RORA: variants seen among roughly 807,000 people sequenced by gnomAD.
The protein encoded by RORA is nuclear receptor ROR-alpha.
RORA carries 7 observed loss-of-function variants against 69.5 expected under a neutral mutation model. The observed-to-expected ratio is 0.10, with a 90% CI of 0.06 to 0.19. The LOEUF (loss-of-function observed/expected upper bound fraction) is 0.19, where lower values mean the gene tolerates loss of function less well. RORA is among the 10% of genes least tolerant of loss of function. The pLI is 1.00. For missense variants in RORA, 457 were observed against 663.0 expected, an observed-to-expected ratio of 0.69 and a Z score of 3.41; for synonymous variants, 261 against 240.8, an observed-to-expected ratio of 1.08 and a Z score of -0.78.
intron 2 of RORA, among the ~76,000 whole-genome samples, chr15:60,579,637 A>G (rs1281351987): frequency 3.3e-5 from 5 of 152,236 alleles, no homozygotes; most frequent in Non-Finnish European, 7.3e-5. Flanking sequence ...TGACATGCTC[A>G]GTGCCCCCTC....
chr15:61,054,005 G>A (rs1202026928), intron 1 of RORA, among the ~76,000 whole-genome samples: 2 of 151,426 alleles, frequency 1.3e-5, no homozygotes, highest in Non-Finnish European at 2.9e-5. Context: ...GTAAATAAAG[G>A]AATCCTTTCA....
chr15:61,104,994 C>CT (rs2078931699), intron 1 of RORA, among the ~76,000 whole-genome samples: 1 of 112,464 alleles, frequency 8.9e-6, no homozygotes, highest in Non-Finnish European at 1.9e-5. Context: ...GATCATGAGG[C>CT]GCCCCCCCCA....
At chr15:60,866,715 C>T (rs142060764) in intron 1 of RORA, among the ~76,000 whole-genome samples, 1,891 of 152,260 alleles carry the variant, frequency 0.012, 24 homozygotes, top group Non-Finnish European at 0.02. Flanking sequence ...AGGGAGATTC[C>T]AGGTTGCTGA....
At chr15:61,095,831 C>G (rs1318943592) in intron 1 of RORA, among the ~76,000 whole-genome samples, 2 of 152,166 alleles carry the variant, frequency 1.3e-5, no homozygotes, top group African/African-American at 4.8e-5. Flanking sequence ...AACAAACACC[C>G]AGGGGCCCCT....
At chr15:60,867,677 C>G (rs948799860) in intron 1 of RORA, among the ~76,000 whole-genome samples, 1 of 152,084 alleles carries the variant, frequency 6.6e-6, no homozygotes, top group Non-Finnish European at 1.5e-5. Context: ...TTAATATGTA[C>G]TCTATAGAAA....
At chr15:60,975,042 T>A (rs1021036450) in intron 1 of RORA, among the ~76,000 whole-genome samples, 109 of 152,166 alleles carry the variant, frequency 7.2e-4, no homozygotes, top group Non-Finnish European at 1.5e-3. Flanking sequence ...CCCGGAATCT[T>A]TCCTGAATGG....
chr15:61,036,376 T>C (rs1189048355), intron 1 of RORA, among the ~76,000 whole-genome samples: 3 of 152,104 alleles, frequency 2.0e-5, no homozygotes, highest in Admixed American at 6.5e-5. Context: ...GCGTTTACTA[T>C]AGGGCGGAAA....
intron 2 of RORA, among the ~76,000 whole-genome samples, chr15:60,532,238 C>T (rs918575295): frequency 6.6e-6 from 1 of 152,156 alleles, no homozygotes; most frequent in Non-Finnish European, 1.5e-5. Flanking sequence ...CTTGGCTGAG[C>T]ATTACAGCTT....
intron 1 of RORA, among the ~76,000 whole-genome samples, chr15:60,889,915 T>C (rs1366842800): frequency 6.6e-6 from 1 of 152,226 alleles, no homozygotes; most frequent in Non-Finnish European, 1.5e-5. Flanking sequence ...CTTAAAAATA[T>C]AAAATTACTT....
intron 1 of RORA, among the ~76,000 whole-genome samples, chr15:60,922,077 G>C (rs1159720587): frequency 6.6e-6 from 1 of 152,092 alleles, no homozygotes; most frequent in Non-Finnish European, 1.5e-5. Context: ...ACAGATATAT[G>C]CTTGTTTTTG....
chr15:60,713,657 T>C (rs945788958), intron 1 of RORA, among the ~76,000 whole-genome samples: 4 of 152,184 alleles, frequency 2.6e-5, no homozygotes, highest in Non-Finnish European at 4.4e-5. Context: ...TCAGACTGTC[T>C]GTGTTCCAGT....
chr15:60,960,524 G>C lies in RORA; in HGVS notation c.166+268529C>G, dbSNP rs1893386969. Among the ~76,000 whole-genome samples, 5 of 152,302 alleles carry C rather than the reference G, an allele frequency of 3.3e-5. No homozygotes were observed. In the South Asian group the frequency reaches 1.0e-3, roughly 32 times the overall value. On this transcript the variant is annotated intron_variant, in intron 1 of 10. Coordinates refer to ENST00000335670, the MANE Select transcript of RORA (RefSeq NM_134261.3). ...GAATGGCTAATTAGGAGTCTGTGCA[G>C]CTGATCTACTGAATGGGGCAGCGAC...
chr15:61,119,952 G>A (rs965689235), intron 1 of RORA, among the ~76,000 whole-genome samples: 1 of 152,160 alleles, frequency 6.6e-6, no homozygotes, highest in African/African-American at 2.4e-5. Context: ...GTGGCAACAG[G>A]TGAGGCGGGG....
At chr15:60,962,241 T>C (rs1368234399) in intron 1 of RORA, among the ~76,000 whole-genome samples, 1 of 152,204 alleles carries the variant, frequency 6.6e-6, no homozygotes, top group African/African-American at 2.4e-5. Flanking sequence ...GACTAGAAAA[T>C]GACCTGGCAC....
At chr15:60,525,282 T>C (rs1043197863) in intron 3 of RORA, among the ~76,000 whole-genome samples, 5 of 152,116 alleles carry the variant, frequency 3.3e-5, no homozygotes, top group African/African-American at 1.2e-4. Context: ...TTTAATAGTT[T>C]TGTCTAAGTT....
At chr15:60,999,123 G>A (rs553814355) in intron 1 of RORA, among the ~76,000 whole-genome samples, 2 of 152,372 alleles carry the variant, frequency 1.3e-5, no homozygotes, top group South Asian at 4.1e-4. Context: ...TGTTGCTGAT[G>A]TGTTCAAGCA....
intron 2 of RORA, among the ~76,000 whole-genome samples, chr15:60,635,597 A>G (rs1388042591): frequency 2.6e-5 from 4 of 152,162 alleles, no homozygotes; most frequent in African/African-American, 9.7e-5. Context: ...TCTGCCATCA[A>G]AATGGAACTC....
At chr15:60,986,108 G>A (rs1272199096) in intron 1 of RORA, among the ~76,000 whole-genome samples, 1 of 152,006 alleles carries the variant, frequency 6.6e-6, no homozygotes, top group Non-Finnish European at 1.5e-5. Context: ...TGGATTGAGA[G>A]TAAAGGTAGT....
chr15:60,855,081 T>C (rs2073365254), intron 1 of RORA, among the ~76,000 whole-genome samples: 1 of 152,242 alleles, frequency 6.6e-6, no homozygotes, highest in Non-Finnish European at 1.5e-5. Flanking sequence ...CTTGTCTGTG[T>C]GGCTGACCAC....
Sources: gnomAD v4.1 joint callset for allele counts (sites outside exome capture counted in the v4.1 genomes callset) on GRCh38, gnomAD v4.1.1 for gene constraint, MANE v1.5 for transcripts, NCBI Gene and HGNC (gene_info 2026-07-23, HGNC 2026-07-21) for gene names.